The following RRM2B variants were observed in gnomAD, a reference collection of about 807,000 sequenced individuals.
RRM2B encodes ribonucleoside-diphosphate reductase subunit M2 B.
In RRM2B, 20 loss-of-function variants were observed where a neutral mutation model predicts 45.9. The observed-to-expected ratio is 0.44, with a 90% confidence interval of 0.31 to 0.63. The LOEUF (loss-of-function observed/expected upper bound fraction) is 0.63. RRM2B is among the 30% of genes least tolerant of loss of function. The pLI is 0.09. For synonymous variants in RRM2B, 124 were observed against 132.3 expected (o/e 0.94, Z 0.43); for missense variants, 320 against 414.7 (o/e 0.77, Z 1.98).
chr8:102,213,743 T>TA lies in RRM2B; in HGVS notation c.789+310dup, dbSNP rs879889632. ...CACTGTTCTCCAGTCACTAAAAATG[T>TA]AAAAAAAAAAGCTACTATAATTAGC... On this transcript the variant is annotated intron_variant, in intron 7 of 8. Coordinates refer to ENST00000251810, the MANE Select transcript of RRM2B (RefSeq NM_015713.5). Among the ~76,000 whole-genome samples, 278 of 144,432 alleles carry TA rather than the reference T, an allele frequency of 1.9e-3. 1 individual carries two copies. The highest frequency in any genetic ancestry group is 3.5e-3 in the Middle Eastern group (1 of 284). 94.8% of individuals were successfully genotyped at this position (144,432 alleles called of 152,430 possible). A position where few individuals can be genotyped will look rare whatever the true frequency, so the allele number is the denominator to read the frequency against.
chr8:102,225,992 C>A lies in RRM2B; in HGVS notation c.247G>T (p.Ala83Ser). 1 of 1,612,800 alleles carries A rather than the reference C, an allele frequency of 6.2e-7. No homozygotes were observed. Among genetic ancestry groups the A allele is most frequent in the Non-Finnish European group, 8.5e-7 (1 of 1,178,982 alleles). Reference protein sequence around the residue: ...KDLPHWNKLKADEKYFISHIL... With the variant: ...KDLPHWNKLKSDEKYFISHIL... ...TGAGAGATGAAGTACTTCTCATCTGCTTTAAGCTTGTTCCAGTGAGGGAGA... is the reference window on the plus strand; with the variant it reads ...TGAGAGATGAAGTACTTCTCATCTGATTTAAGCTTGTTCCAGTGAGGGAGA... Residue 83 changes from alanine (A) to serine (S), a missense_variant, in exon 3 of 9, where the codon GCA becomes TCA. Ala to Ser is a moderately conservative substitution (Grantham distance 99, BLOSUM62 1). Around this residue, in one of 3 missense-constraint regions of RRM2B, gnomAD observed 225 missense variants for 289.4 expected, o/e 0.78. Coordinates refer to ENST00000251810, the MANE Select transcript of RRM2B (RefSeq NM_015713.5).
chr8:102,214,223 G>T, intron 6 of RRM2B, 65 bp from the exon 7 acceptor site: 1 of 1,061,658 alleles, frequency 9.4e-7, no homozygotes, highest in Non-Finnish European at 1.5e-6. Flanking sequence ...ATGGTGATGG[G>T]TCAAGCATTG....
intron 8 of RRM2B, among the ~76,000 whole-genome samples, chr8:102,209,325 G>C (rs1056157441): frequency 1.3e-5 from 2 of 152,122 alleles, no homozygotes; most frequent in Non-Finnish European, 2.9e-5. Context: ...TTAAATATGG[G>C]CAGAGTGTCT....
rs1279087298 is a variant in RRM2B at position 102,204,566 on chromosome 8, G to C, written c.*3567C>G. 2.0e-5 allele frequency: 3 copies of C among 151,610 alleles called. No homozygotes were observed. Among genetic ancestry groups the C allele is most frequent in the African/African-American group, 7.3e-5 (3 of 41,308 alleles). The allele number at this position is 151,610 out of a possible 1,614,324, so 9.4% of individuals were successfully genotyped here. ...TTATAAAGAAACCTTCCTCAAAAAG[G>C]AAATGTACAAAATGATGAAGATACC... On this transcript the variant is annotated 3_prime_UTR_variant, in exon 9 of 9. Coordinates refer to ENST00000251810, the MANE Select transcript of RRM2B (RefSeq NM_015713.5).
At chr8:102,218,419 A>G (rs1269866726) in intron 6 of RRM2B, among the ~76,000 whole-genome samples, 2 of 152,144 alleles carry the variant, frequency 1.3e-5, no homozygotes, top group African/African-American at 4.8e-5. Context: ...ATTTTTCAGG[A>G]GAAAGAAAAA....
At chr8:102,228,771 T>C (rs1228334917) in intron 2 of RRM2B, among the ~76,000 whole-genome samples, 3 of 152,244 alleles carry the variant, frequency 2.0e-5, no homozygotes, top group Non-Finnish European at 2.9e-5. Context: ...GAGTGGAGTT[T>C]GCCCCTGCCA....
At chr8:102,235,712 G>T in intron 1 of RRM2B, among the ~76,000 whole-genome samples, 1 of 152,140 alleles carries the variant, frequency 6.6e-6, no homozygotes, top group East Asian at 1.9e-4. Flanking sequence ...GGTGGCGTAC[G>T]CCTGTACTCC....
At chr8:102,235,243 T>G (rs1401440903) in intron 1 of RRM2B, among the ~76,000 whole-genome samples, 3 of 152,152 alleles carry the variant, frequency 2.0e-5, no homozygotes, top group South Asian at 2.1e-4. Flanking sequence ...AAAAATTGAT[T>G]TAAGTGATAT....
chr8:102,224,723 GT>G (rs1222714590), intron 4 of RRM2B, among the ~76,000 whole-genome samples, 161 bp downstream of exon 4: 4 of 151,884 alleles, frequency 2.6e-5, no homozygotes, highest in East Asian at 1.9e-4. Flanking sequence ...TCTATAACAA[GT>G]TTTTTTTAAA....
intron 5 of RRM2B, among the ~76,000 whole-genome samples, chr8:102,220,067 C>T (rs1029566948): frequency 2.0e-5 from 3 of 152,086 alleles, no homozygotes; most frequent in Non-Finnish European, 2.9e-5. Context: ...AGCAAAACCC[C>T]ATCTCTACAA....
At chr8:102,214,005 A>T in intron 7 of RRM2B, 49 bp downstream of exon 7, 1 of 1,231,648 alleles carries the variant, frequency 8.1e-7, no homozygotes, top group South Asian at 1.2e-5. Context: ...TAGTGGTACA[A>T]ACATCAGAGA....
At chr8:102,236,326 A>C (rs1034953746) in intron 1 of RRM2B, among the ~76,000 whole-genome samples, 3 of 152,292 alleles carry the variant, frequency 2.0e-5, no homozygotes, top group Non-Finnish European at 4.4e-5. Context: ...TTGGGGGTAC[A>C]AATAGTCATG....
intron 1 of RRM2B, among the ~76,000 whole-genome samples, chr8:102,235,725 A>G (rs940740349): frequency 1.3e-5 from 2 of 152,102 alleles, no homozygotes; most frequent in Non-Finnish European, 2.9e-5. Flanking sequence ...TGTACTCCCA[A>G]CTACTCGGGA....
At chr8:102,228,217 A>G (rs1032289590) in intron 2 of RRM2B, among the ~76,000 whole-genome samples, 7 of 152,204 alleles carry the variant, frequency 4.6e-5, no homozygotes, top group Non-Finnish European at 7.3e-5. Context: ...GGAGAGAAGC[A>G]GCTTAACTTC....
intron 2 of RRM2B, among the ~76,000 whole-genome samples, chr8:102,230,476 A>G (rs1304885266): frequency 6.6e-6 from 1 of 152,210 alleles, no homozygotes; most frequent in Non-Finnish European, 1.5e-5. Flanking sequence ...CGAAAAAGCC[A>G]CCTGCGTATT....
chr8:102,209,911 T>C (rs939265179), intron 8 of RRM2B, among the ~76,000 whole-genome samples: 5 of 152,100 alleles, frequency 3.3e-5, no homozygotes, highest in Admixed American at 6.5e-5. Context: ...TTGTATGAAA[T>C]AGAATATGCA....
intron 1 of RRM2B, among the ~76,000 whole-genome samples, chr8:102,234,274 C>T (rs1285882781): frequency 6.6e-6 from 1 of 152,178 alleles, no homozygotes; most frequent in Non-Finnish European, 1.5e-5. Context: ...TATACACATT[C>T]TCCTGTTCTA....
At chr8:102,219,194 A>C (rs1810785424) in intron 5 of RRM2B, among the ~76,000 whole-genome samples, 2 of 152,232 alleles carry the variant, frequency 1.3e-5, no homozygotes, top group Non-Finnish European at 2.9e-5. Flanking sequence ...TTGGACAAAG[A>C]AGGACCTTCC....
In RRM2B at chr8:102,207,389, T is replaced by C. The variant is rs1174093472; in HGVS notation, c.*744A>G. Reference sequence around the variant, plus strand: ...TATGTTTTTAATTTCTGAAGAAGAATCATTTTTCTTATAAGGTCAACTACC... The same window carrying C: ...TATGTTTTTAATTTCTGAAGAAGAACCATTTTTCTTATAAGGTCAACTACC... On this transcript the variant is annotated 3_prime_UTR_variant, in exon 9 of 9. Transcript: ENST00000251810. 3 of 152,226 alleles carry C rather than the reference T, an allele frequency of 2.0e-5. No individual in the cohort carries two copies. The highest frequency in any genetic ancestry group is 4.8e-5 in the African/African-American group (2 of 41,462). 9.4% of individuals were successfully genotyped at this position (152,226 alleles called of 1,614,324 possible).
Sources: gnomAD v4.1 joint callset for allele counts (sites outside exome capture counted in the v4.1 genomes callset) on GRCh38, gnomAD v4.1.1 for gene constraint, gnomAD v4.1.1 regional missense constraint, MANE v1.5 for transcripts, NCBI Gene and HGNC (gene_info 2026-07-23, HGNC 2026-07-21) for gene names.